Variants in PRKCZ observed in about 807,000 individuals in gnomAD.
PRKCZ encodes the protein protein kinase C zeta type.
A neutral mutation model predicts 79.5 loss-of-function variants in PRKCZ; 33 were observed. The observed-to-expected ratio is 0.41, with a 90% CI of 0.31 to 0.55. The LOEUF (loss-of-function observed/expected upper bound fraction) is 0.55. Ranked by LOEUF, PRKCZ falls within the 20% of genes least tolerant of loss-of-function variation. PRKCZ has a pLI of 0.19. For synonymous variants in PRKCZ, 342 were observed against 320.9 expected (o/e 1.07, Z -0.70); for missense variants, 578 against 813.5 (o/e 0.71, Z 3.52).
intron 4 of PRKCZ, among the ~76,000 whole-genome samples, chr1:2,085,614 CGTG>C (rs1557523743): frequency 1.4e-4 from 21 of 152,128 alleles, no homozygotes; most frequent in African/African-American, 4.6e-4. Flanking sequence ...TCTCAGAGCC[CGTG>C]AGGCACCGTG....
chr1:2,151,333 C>A (rs563028173), intron 9 of PRKCZ, among the ~76,000 whole-genome samples: 26 of 152,384 alleles, frequency 1.7e-4, no homozygotes, highest in Non-Finnish European at 3.1e-4. Context: ...AGAGCACTCA[C>A]GTGTCTAAGC....
At chr1:2,081,019 C>T (rs1017500646) in intron 4 of PRKCZ, among the ~76,000 whole-genome samples, 6 of 152,176 alleles carry the variant, frequency 3.9e-5, no homozygotes, top group South Asian at 2.1e-4. Context: ...GCTGGCCTTG[C>T]GTGTCACCTG....
chr1:2,053,679 CTGTAGGGGT>C (rs1659899857), intron 1 of PRKCZ, among the ~76,000 whole-genome samples: 1 of 152,148 alleles, frequency 6.6e-6, no homozygotes, highest in African/African-American at 2.4e-5. Flanking sequence ...GGAGGCAGGA[CTGTAGGGGT>C]AGGGGCGTGG....
intron 4 of PRKCZ, among the ~76,000 whole-genome samples, chr1:2,067,259 G>GT (rs1456986055): frequency 1.3e-5 from 2 of 151,792 alleles, no homozygotes; most frequent in African/African-American, 2.4e-5. Context: ...GCGCTCTGCT[G>GT]TGTCTGTCAG....
intron 4 of PRKCZ, among the ~76,000 whole-genome samples, chr1:2,124,578 C>T (rs147828086): frequency 3.9e-5 from 6 of 152,210 alleles, no homozygotes; most frequent in Middle Eastern, 3.4e-3. Flanking sequence ...CTGCAGGTTC[C>T]GTCATCCTGA....
intron 4 of PRKCZ, among the ~76,000 whole-genome samples, chr1:2,118,068 C>T (rs1304321940): frequency 1.4e-5 from 2 of 145,982 alleles, no homozygotes; most frequent in Non-Finnish European, 3.0e-5. Flanking sequence ...CCGATCTGGG[C>T]GCACTGCAAC....
chr1:2,061,051 A>G lies in PRKCZ; in HGVS notation c.334+1460A>G, dbSNP rs1660628758. On this transcript the variant is annotated intron_variant, in intron 4 of 17. Coordinates refer to ENST00000378567, the MANE Select transcript of PRKCZ (RefSeq NM_002744.6). ...GTGAGACGATGGTTGTCCCCTCCAC[A>G]GCGCCCTGCAGCCTCATGCTGCTGC... Among the ~76,000 whole-genome samples, 9 of 152,324 alleles carry G rather than the reference A, an allele frequency of 5.9e-5. No individual in the cohort carries two copies. The South Asian group carries it at 1.4e-3, about 25-fold the overall frequency.
At position 2,185,268 on chromosome 1, in the gene PRKCZ, G is replaced by A. The variant is rs762297132; in HGVS notation, c.*259G>A. The A allele has an allele frequency of 4.2e-5, 30 of 715,850 alleles. No homozygotes were observed. The highest frequency in any genetic ancestry group is 8.9e-5 in the South Asian group (6 of 67,608). 44.3% of individuals were successfully genotyped at this position (715,850 alleles called of 1,614,324 possible). On this transcript the variant is annotated 3_prime_UTR_variant, in exon 18 of 18. Transcript: ENST00000378567. ...GCGGCGGATCCGCGGGGACCCTGCC[G>A]AGGGGGCTGTCATGCGGTTTCCAAG...
chr1:2,175,012 C>T (rs1040570013), intron 15 of PRKCZ, among the ~76,000 whole-genome samples, 179 bp downstream of exon 15: 2 of 152,112 alleles, frequency 1.3e-5, no homozygotes, highest in Non-Finnish European at 1.5e-5. Context: ...TTTACTCACA[C>T]CTAACAAAAT....
chr1:2,075,828 C>A lies in PRKCZ; in HGVS notation c.334+16237C>A, dbSNP rs965416164. 2.0e-5 allele frequency among the ~76,000 whole-genome samples: 3 copies of A among 152,216 alleles called. No homozygotes were observed. Among genetic ancestry groups the A allele is most frequent in the Admixed American group, 1.3e-4 (2 of 15,290 alleles). On this transcript the variant is annotated intron_variant, in intron 4 of 17. Coordinates refer to ENST00000378567, the MANE Select transcript of PRKCZ (RefSeq NM_002744.6). This position sits in a 1 kb window ranked among gnomAD's most constrained non-coding sequence, Gnocchi z 4.8. The stretch of plus-strand genomic sequence containing the variant: ...CTGTCAATGGCCCCAGTGGAGAGGC[C>A]CACTGAGCATCCTGAGAAGTTCCCG...
chr1:2,164,927 G>A lies in PRKCZ; in HGVS notation c.975-4591G>A, dbSNP rs183664824. Among the ~76,000 whole-genome samples the A allele has an allele frequency of 2.3e-3, 356 of 152,190 alleles. 1 individual carries two copies. The highest frequency in any genetic ancestry group is 8.0e-3 in the African/African-American group (334 of 41,522). On this transcript the variant is annotated intron_variant, in intron 10 of 17. Transcript: ENST00000378567. ...TTCTCCTCTGCTCAACTTCACCCCA[G>A]GCCGTGTCTCCTGGCTCCAGGAAGG...
intron 4 of PRKCZ, among the ~76,000 whole-genome samples, chr1:2,101,519 G>GTTCA (rs936765641): frequency 1.2e-4 from 19 of 152,114 alleles, no homozygotes; most frequent in South Asian, 4.1e-4. Flanking sequence ...CATTTCTTTC[G>GTTCA]TTCATTCATT....
intron 3 of PRKCZ, among the ~76,000 whole-genome samples, chr1:2,057,188 C>T (rs887300422): frequency 2.6e-5 from 4 of 152,248 alleles, no homozygotes; most frequent in Non-Finnish European, 5.9e-5. Flanking sequence ...CTAGGCCCGG[C>T]TCCAGGCTCA....
chr1:2,106,492 G>T (rs1668471710), intron 4 of PRKCZ, among the ~76,000 whole-genome samples: 1 of 112,188 alleles, frequency 8.9e-6, no homozygotes, highest in Middle Eastern at 4.3e-3. Context: ...CTCCACACGT[G>T]TCACCAGGCC....
intron 4 of PRKCZ, among the ~76,000 whole-genome samples, chr1:2,087,302 C>T (rs371195545): frequency 5.9e-5 from 9 of 152,086 alleles, no homozygotes; most frequent in Non-Finnish European, 7.4e-5. Context: ...AGGCTGGTCT[C>T]GAACTCCTGA....
Position 2,184,694 on chromosome 1 carries a change from G to T in PRKCZ, c.1687G>T (p.Asp563Tyr). The change falls in exon 17 of 18, where the codon GAT (aspartate) becomes TAT (tyrosine). Residue 563 changes from aspartate to tyrosine, a missense_variant. Asp to Tyr is a radical substitution (Grantham distance 160, BLOSUM62 -3). Around this residue, in one of 4 missense-constraint regions of PRKCZ, gnomAD observed 243 missense variants for 467.0 expected, o/e 0.52. Transcript: ENST00000378567. ...CGAGCCCGTGCAGCTGACCCCAGAC[G>T]ATGAGTGAGTCCCACTGGGTGCGGG... ...TSEPVQLTPD[D>Y]EDAIKRIDQS... 6.2e-7 allele frequency: 1 copy of T among 1,612,708 alleles called. No homozygotes were observed. Among genetic ancestry groups the T allele is most frequent in the Non-Finnish European group, 8.5e-7 (1 of 1,179,348 alleles).
intron 4 of PRKCZ, among the ~76,000 whole-genome samples, chr1:2,100,165 C>T (rs1219477249): frequency 1.3e-5 from 2 of 152,232 alleles, no homozygotes; most frequent in Non-Finnish European, 2.9e-5. Flanking sequence ...ACCACCACCC[C>T]CAAATGCATA....
In PRKCZ at chr1:2,130,774, C is replaced by T. The variant is rs116869240; in HGVS notation, c.335-4488C>T. Among the ~76,000 whole-genome samples the T allele has an allele frequency of 2.6e-4, 39 of 152,158 alleles. No individual in the cohort carries two copies. The East Asian group carries it at 7.4e-3, about 29-fold the overall frequency. ...TAAATGTTTATCTCATCCATACTCA[C>T]CCTCATGGAAACATCCAGGATAACA... On this transcript the variant is annotated intron_variant, in intron 4 of 17. Transcript: ENST00000378567.
intron 11 of PRKCZ, among the ~76,000 whole-genome samples, chr1:2,170,786 C>T (rs1420922817): frequency 6.6e-6 from 1 of 152,248 alleles, no homozygotes; most frequent in African/African-American, 2.4e-5. Context: ...AGCATAGCGT[C>T]CTCAAGATTC....
Sources: allele counts gnomAD v4.1 joint callset (sites outside exome capture counted in the v4.1 genomes callset), GRCh38; gene constraint gnomAD v4.1.1; regional missense constraint gnomAD v4.1.1; non-coding constraint Gnocchi (gnomAD v3.1); transcripts MANE v1.5; gene names NCBI Gene and HGNC (gene_info 2026-07-23, HGNC 2026-07-21).